The following EYS variants were observed in gnomAD, a reference collection of about 807,000 sequenced individuals.
EYS encodes the protein EGF-like photoreceptor maintenance factor.
Under a neutral mutation model 282.1 loss-of-function variants are expected in EYS, and 250 were observed. The observed-to-expected ratio is 0.89, with a 90% CI of 0.80 to 0.98. EYS has a LOEUF of 0.98. Among genes scored for constraint, EYS ranks in the 50% least tolerant of loss-of-function variants. The probability of loss-of-function intolerance (pLI) is 0.00; values close to 1 mark genes in which losing one functional copy is unlikely to be tolerated. For missense variants in EYS, 4,016 were observed against 3,709.0 expected, an observed-to-expected ratio of 1.08 and a Z score of -2.15; for synonymous variants, 1,355 against 1,282.9, an observed-to-expected ratio of 1.06 and a Z score of -1.20.
At chr6:65,150,117 G>A (rs986154862) in intron 12 of EYS, among the ~76,000 whole-genome samples, 1 of 151,996 alleles carries the variant, frequency 6.6e-6, no homozygotes, top group Admixed American at 6.6e-5. Flanking sequence ...TGGGGATTAT[G>A]GGAACTACAA....
chr6:64,234,848 A>G (rs1374341813), intron 30 of EYS, among the ~76,000 whole-genome samples: 1 of 150,126 alleles, frequency 6.7e-6, no homozygotes, highest in African/African-American at 2.4e-5. Flanking sequence ...TTCAAGGTTC[A>G]CCCATGTTGT....
intron 5 of EYS, 174 bp downstream of exon 5, chr6:65,490,420 T>G (rs1765996449): frequency 1.9e-6 from 1 of 525,462 alleles, no homozygotes; most frequent in Admixed American, 3.3e-5. Context: ...GTAATATGAT[T>G]TAATTGTATT....
At chr6:64,682,730 C>G (rs75323248) in intron 22 of EYS, among the ~76,000 whole-genome samples, 4,357 of 152,228 alleles carry the variant, frequency 0.029, 127 homozygotes, top group East Asian at 0.14. Flanking sequence ...GGTTGAACAT[C>G]GCACTTGGCC....
intron 31 of EYS, among the ~76,000 whole-genome samples, chr6:64,194,937 T>G (rs1166568658): frequency 6.6e-6 from 1 of 152,180 alleles, no homozygotes; most frequent in Non-Finnish European, 1.5e-5. Flanking sequence ...GTTTAAAATT[T>G]GCATGCCTAA....
At chr6:63,894,950 T>C (rs1466367840) in intron 35 of EYS, among the ~76,000 whole-genome samples, 1 of 152,092 alleles carries the variant, frequency 6.6e-6, no homozygotes, top group Non-Finnish European at 1.5e-5. Context: ...AGAAAACTAA[T>C]ACAGCATCTG....
intron 22 of EYS, among the ~76,000 whole-genome samples, chr6:64,675,372 C>A (rs1266706959): frequency 6.6e-6 from 1 of 151,248 alleles, no homozygotes; most frequent in Non-Finnish European, 1.5e-5. Flanking sequence ...AGATTCTGGT[C>A]ATATGCCTGT....
In EYS at chr6:64,317,913, C is replaced by T. The variant is rs1360882999; in HGVS notation, c.6079-10831G>A. 2.0e-5 allele frequency among the ~76,000 whole-genome samples: 3 copies of T among 151,988 alleles called. No individual in the cohort carries two copies. The East Asian group carries it at 5.8e-4, about 29-fold the overall frequency. ...TGAAGCTGGAAACTATCATTCTCAG[C>T]AAACTGACACAAGAACAGAAAACCA... is the stretch of plus-strand genomic sequence containing the variant. On this transcript the variant is annotated intron_variant, in intron 29 of 42. Transcript: ENST00000503581.
At chr6:65,610,794 T>TGA (rs1562286705) in intron 2 of EYS, among the ~76,000 whole-genome samples, 1 of 152,116 alleles carries the variant, frequency 6.6e-6, no homozygotes, top group Non-Finnish European at 1.5e-5. Flanking sequence ...AGCATACTAA[T>TGA]TACTTTTTAA....
chr6:64,341,366 A>C (rs1442506706), intron 29 of EYS, among the ~76,000 whole-genome samples: 1 of 151,816 alleles, frequency 6.6e-6, no homozygotes, highest in Non-Finnish European at 1.5e-5. Context: ...CATGGCCATA[A>C]AAAAGAATGA....
chr6:65,631,884 T>C (rs1465958243), intron 2 of EYS, among the ~76,000 whole-genome samples: 1 of 152,170 alleles, frequency 6.6e-6, no homozygotes, highest in Admixed American at 6.5e-5. Flanking sequence ...GAAAGAAAGG[T>C]TATAATTCAG....
intron 12 of EYS, among the ~76,000 whole-genome samples, chr6:65,224,858 G>A (rs938841435): frequency 2.0e-5 from 3 of 152,040 alleles, no homozygotes; most frequent in East Asian, 1.9e-4. Flanking sequence ...TACCAAAAAT[G>A]AGTCAGGAAG....
At chr6:65,380,059 G>C (rs1765551007) in intron 8 of EYS, among the ~76,000 whole-genome samples, 1 of 151,934 alleles carries the variant, frequency 6.6e-6, no homozygotes, top group Admixed American at 6.6e-5. Context: ...GAAATTTATA[G>C]ATTCAATGCT....
At chr6:64,142,616 G>C (rs191973540) in intron 31 of EYS, among the ~76,000 whole-genome samples, 1 of 152,240 alleles carries the variant, frequency 6.6e-6, no homozygotes, top group Admixed American at 6.5e-5. Context: ...GGCCATCAGG[G>C]ATTAAGGAAA....
intron 4 of EYS, among the ~76,000 whole-genome samples, chr6:65,493,330 C>T (rs569249023): frequency 1.3e-5 from 2 of 152,286 alleles, no homozygotes; most frequent in East Asian, 3.9e-4. Flanking sequence ...CAGTTAAATC[C>T]CTGCAGGTGA....
intron 16 of EYS, among the ~76,000 whole-genome samples, chr6:64,911,287 C>T (rs958167716): frequency 6.6e-6 from 1 of 151,998 alleles, no homozygotes; most frequent in Non-Finnish European, 1.5e-5. Flanking sequence ...TTTCCTGTCT[C>T]ATTCTTGAAA....
intron 12 of EYS, among the ~76,000 whole-genome samples, chr6:65,109,339 A>C (rs1775138710): frequency 6.6e-6 from 1 of 152,062 alleles, no homozygotes; most frequent in Non-Finnish European, 1.5e-5. Context: ...TAAAAGTTAA[A>C]TTTTAGAGAT....
At chr6:65,391,223 C>G (rs938694213) in intron 7 of EYS, among the ~76,000 whole-genome samples, 1 of 152,032 alleles carries the variant, frequency 6.6e-6, no homozygotes, top group Non-Finnish European at 1.5e-5. Flanking sequence ...TACCTCCTGT[C>G]CCCTATAACA....
chr6:64,784,322 T>TTA (rs1383321473), intron 22 of EYS, among the ~76,000 whole-genome samples: 2 of 152,124 alleles, frequency 1.3e-5, no homozygotes, highest in African/African-American at 2.4e-5. Context: ...TGTATATACT[T>TTA]TATATATATG....
At chr6:64,375,398 T>A (rs188485791) in intron 29 of EYS, among the ~76,000 whole-genome samples, 442 of 152,284 alleles carry the variant, frequency 2.9e-3, no homozygotes, top group Middle Eastern at 0.017. Context: ...ATTGAAAACA[T>A]GAGTTAAAGA....
Sources: allele counts gnomAD v4.1 joint callset (sites outside exome capture counted in the v4.1 genomes callset), GRCh38; gene constraint gnomAD v4.1.1; transcripts MANE v1.5; gene names NCBI Gene and HGNC (gene_info 2026-07-23, HGNC 2026-07-21).